The following ZNF609 variants were observed in gnomAD, a reference collection of about 807,000 sequenced individuals.
ZNF609 encodes zinc finger protein 609.
Under a neutral mutation model 109.5 loss-of-function variants are expected in ZNF609, and 11 were observed. The observed-to-expected ratio is 0.10, with a 90% CI of 0.06 to 0.17. The LOEUF (loss-of-function observed/expected upper bound fraction) is 0.17, where lower values mean the gene tolerates loss of function less well. ZNF609 is among the 10% of genes least tolerant of loss of function. ZNF609 has a pLI of 1.00. For synonymous variants in ZNF609, 646 were observed against 662.0 expected (o/e 0.98, Z 0.37); for missense variants, 1,559 against 1,772.4 (o/e 0.88, Z 2.16).
intron 2 of ZNF609, among the ~76,000 whole-genome samples, chr15:64,571,316 G>GATAATA (rs1894856622): frequency 6.6e-6 from 1 of 152,074 alleles, no homozygotes; most frequent in African/African-American, 2.4e-5. Flanking sequence ...ATAAGAAAGA[G>GATAATA]AGCAAACATT....
At chr15:64,535,264 G>A (rs1000055093) in intron 2 of ZNF609, among the ~76,000 whole-genome samples, 7 of 152,204 alleles carry the variant, frequency 4.6e-5, no homozygotes, top group Admixed American at 4.6e-4. Flanking sequence ...TGCCCGGGCT[G>A]GTCTGGAACT....
chr15:64,522,989 A>T (rs1426994376), intron 2 of ZNF609, among the ~76,000 whole-genome samples: 1 of 151,788 alleles, frequency 6.6e-6, no homozygotes, highest in Admixed American at 6.6e-5. Context: ...AAAAAAAAGG[A>T]AATTTTGGTG....
At chr15:64,629,013 C>T (rs1896021220) in intron 3 of ZNF609, among the ~76,000 whole-genome samples, 1 of 152,166 alleles carries the variant, frequency 6.6e-6, no homozygotes, top group South Asian at 2.1e-4. Context: ...TTCCAGAGGT[C>T]TTCTCTCAGT....
At chr15:64,642,091 G>A (rs1174692938) in intron 3 of ZNF609, among the ~76,000 whole-genome samples, 1 of 152,098 alleles carries the variant, frequency 6.6e-6, no homozygotes, top group African/African-American at 2.4e-5. Context: ...AATTTGGTAG[G>A]GCATGAGTAT....
intron 3 of ZNF609, among the ~76,000 whole-genome samples, chr15:64,649,421 C>G (rs1308130086): frequency 1.3e-5 from 2 of 152,122 alleles, no homozygotes; most frequent in Non-Finnish European, 2.9e-5. Flanking sequence ...CACATGCACA[C>G]ACCCATGCTG....
At chr15:64,559,117 A>T (rs1457591266) in intron 2 of ZNF609, among the ~76,000 whole-genome samples, 2 of 152,222 alleles carry the variant, frequency 1.3e-5, no homozygotes, top group African/African-American at 4.8e-5. Context: ...TCCCAGGCTG[A>T]ACTCTAACCT....
chr15:64,484,843 G>A (rs1381346174), intron 1 of ZNF609, among the ~76,000 whole-genome samples: 4 of 151,556 alleles, frequency 2.6e-5, no homozygotes, highest in Admixed American at 6.6e-5. Flanking sequence ...GCATGGTGGC[G>A]CTTGCCTGTA....
At chr15:64,543,458 T>TG (rs1894305147) in intron 2 of ZNF609, among the ~76,000 whole-genome samples, 7 of 150,292 alleles carry the variant, frequency 4.7e-5, no homozygotes, top group South Asian at 4.2e-4. Context: ...TTTTTTTTTT[T>TG]TTTTAAACGG....
At chr15:64,600,657 G>A (rs890962240) in intron 2 of ZNF609, among the ~76,000 whole-genome samples, 5 of 136,896 alleles carry the variant, frequency 3.7e-5, no homozygotes, top group African/African-American at 1.1e-4. Flanking sequence ...AAGAAAGCAG[G>A]GATGGCGGGG....
chr15:64,678,030 C>T, intron 5 of ZNF609, 86 bp from the exon 6 acceptor site: 2 of 1,517,100 alleles, frequency 1.3e-6, no homozygotes, highest in Non-Finnish European at 1.8e-6. Context: ...TAATTATCTG[C>T]TCTGGTGGTT....
chr15:64,552,511 C>T (rs758305230), intron 2 of ZNF609, among the ~76,000 whole-genome samples: 20 of 152,016 alleles, frequency 1.3e-4, no homozygotes, highest in Non-Finnish European at 2.5e-4. Context: ...GCACGCACCA[C>T]GCCTGGCTAA....
intron 2 of ZNF609, among the ~76,000 whole-genome samples, chr15:64,513,240 A>G (rs1035154734): frequency 1.3e-5 from 2 of 152,184 alleles, no homozygotes; most frequent in Non-Finnish European, 2.9e-5. Flanking sequence ...CAAAGTGACT[A>G]CACATTTATA....
chr15:64,609,845 C>T (rs377631343), intron 2 of ZNF609, among the ~76,000 whole-genome samples: 1 of 148,770 alleles, frequency 6.7e-6, no homozygotes, highest in Non-Finnish European at 1.5e-5. Flanking sequence ...CTGGCTAACA[C>T]GGTAAAACCT....
chr15:64,663,239 T>C (rs1230683572), intron 3 of ZNF609, among the ~76,000 whole-genome samples: 2 of 152,158 alleles, frequency 1.3e-5, no homozygotes, highest in Non-Finnish European at 2.9e-5. Context: ...ATGATCAAAA[T>C]CTGGATATAT....
intron 2 of ZNF609, among the ~76,000 whole-genome samples, chr15:64,519,838 T>C (rs1323143054): frequency 2.6e-5 from 4 of 152,230 alleles, no homozygotes; most frequent in Admixed American, 2.6e-4. Context: ...TGCCATTTAA[T>C]ATATATAGGA....
intron 3 of ZNF609, among the ~76,000 whole-genome samples, chr15:64,657,570 C>T (rs1328814441): frequency 5.9e-5 from 9 of 152,018 alleles, no homozygotes; most frequent in Middle Eastern, 3.2e-3. Flanking sequence ...GCTGAGATCG[C>T]GCTACTGCAC....
intron 2 of ZNF609, among the ~76,000 whole-genome samples, chr15:64,601,580 C>A (rs1895498251): frequency 6.6e-6 from 1 of 152,078 alleles, no homozygotes; most frequent in Non-Finnish European, 1.5e-5. Context: ...TAATAAGTAC[C>A]CTCTTTTCTG....
At chr15:64,490,807 A>G (rs899071562) in intron 1 of ZNF609, among the ~76,000 whole-genome samples, 8 of 152,340 alleles carry the variant, frequency 5.3e-5, no homozygotes, top group Non-Finnish European at 8.8e-5. Context: ...ACTTGAGCCC[A>G]GTTGAATTGC....
At position 64,593,070 on chromosome 15, in the gene ZNF609, C is replaced by T. The variant is rs1895329319; in HGVS notation, c.748-29757C>T. The stretch of plus-strand genomic sequence containing the variant: ...TGCACTAACTGTGCCCGATGCGTGC[C>T]CAAAGACAAGGCCATTAAGAAATTC... On this transcript the variant is annotated intron_variant, in intron 2 of 9. Transcript: ENST00000326648. 4 of 1,590,860 alleles carry T rather than the reference C, an allele frequency of 2.5e-6. No individual in the cohort carries two copies. The Admixed American group carries it at 6.7e-5, about 27-fold the overall frequency.
Sources: allele counts gnomAD v4.1 joint callset (sites outside exome capture counted in the v4.1 genomes callset), GRCh38; gene constraint gnomAD v4.1.1; transcripts MANE v1.5; gene names NCBI Gene and HGNC (gene_info 2026-07-23, HGNC 2026-07-21).